Variants in TMEM255A observed in about 807,000 individuals in gnomAD.
TMEM255A encodes transmembrane protein 255A.
TMEM255A carries 14 observed loss-of-function variants against 23.5 expected under a neutral mutation model. The observed-to-expected ratio is 0.60, with a 90% CI of 0.39 to 0.93. The LOEUF (loss-of-function observed/expected upper bound fraction) is 0.93, where lower values mean the gene tolerates loss of function less well. TMEM255A is among the 40% of genes least tolerant of loss of function. The pLI is 0.00. For missense variants in TMEM255A, 233 were observed against 261.7 expected (o/e 0.89, Z 0.76); for synonymous variants, 104 against 100.3 (o/e 1.04, Z -0.22).
Position 120,279,939 on chromosome X carries a change from G to T in TMEM255A, c.513-2892C>A, listed in dbSNP as rs782316460. On this transcript the variant is annotated intron_variant, in intron 6 of 8. Transcript: ENST00000371369. ...CTTTATTTTGTTTTTTGTTTGTTTG[G>T]TTGGTTGGGTTTTTTCTTTTTCTTT... is the stretch of plus-strand genomic sequence containing the variant. Among the ~76,000 whole-genome samples the T allele has an allele frequency of 9.6e-5, 10 of 103,993 alleles. No homozygotes were observed. In the South Asian group the frequency reaches 3.0e-3, roughly 31 times the overall value. 90.3% of individuals were successfully genotyped at this position (103,993 alleles called of 115,157 possible).
intron 6 of TMEM255A, among the ~76,000 whole-genome samples, chrX:120,284,440 C>G (rs1556021379): frequency 9.1e-6 from 1 of 110,094 alleles, no homozygotes; most frequent in African/African-American, 3.3e-5. Context: ...CACCCACCCC[C>G]AACTACTTTC....
At position 120,274,892 on chromosome X, in the gene TMEM255A, A is replaced by C. The variant is rs782266196; in HGVS notation, c.675+1993T>G. ...TAGCTACCACCTACTCCATTTGTGC[A>C]TCAAGGTATCTCTGCCATCCAAGCC... On this transcript the variant is annotated intron_variant, in intron 7 of 8. Transcript: ENST00000371369. Among the ~76,000 whole-genome samples, 4 of 111,665 alleles carry C rather than the reference A, an allele frequency of 3.6e-5. No individual in the cohort carries two copies. The South Asian group carries it at 1.5e-3, about 42-fold the overall frequency.
chrX:120,303,038 T>C (rs1291872826), intron 2 of TMEM255A, among the ~76,000 whole-genome samples: 1 of 111,810 alleles, frequency 8.9e-6, no homozygotes, highest in Non-Finnish European at 1.9e-5. Context: ...TCTCTAACAA[T>C]TGAGGAGCCA....
chrX:120,305,939 G>A (rs1556026973), intron 1 of TMEM255A, among the ~76,000 whole-genome samples: 1 of 111,764 alleles, frequency 8.9e-6, no homozygotes, highest in Non-Finnish European at 1.9e-5. Context: ...CTCCCCTGAC[G>A]TCAGCTTCGA....
intron 6 of TMEM255A, among the ~76,000 whole-genome samples, chrX:120,280,851 C>A (rs1556020741): frequency 3.6e-5 from 4 of 110,010 alleles, no homozygotes. Flanking sequence ...GCTCAGATTT[C>A]TCCCCCTGCA....
intron 6 of TMEM255A, among the ~76,000 whole-genome samples, chrX:120,281,092 T>C (rs1351392494): frequency 8.9e-6 from 1 of 112,461 alleles, no homozygotes; most frequent in Non-Finnish European, 1.9e-5. Context: ...GTGCTAATGT[T>C]ACAATCAAGG....
chrX:120,275,727 T>C, intron 7 of TMEM255A, among the ~76,000 whole-genome samples: 1 of 106,678 alleles, frequency 9.4e-6, no homozygotes, highest in East Asian at 2.9e-4. Context: ...CAAAACCTGA[T>C]GCCTGGGCTT....
rs2057996107 is a variant in TMEM255A, at chrX:120,297,077, ATT to A, written c.202-3028_202-3027del. Among the ~76,000 whole-genome samples the A allele has an allele frequency of 3.9e-4, 3 of 7,664 alleles. 1 individual carries two copies. The highest frequency in any genetic ancestry group is 4.1e-3 in the African/African-American group (2 of 492). 6.7% of individuals were successfully genotyped at this position (7,664 alleles called of 115,157 possible). ...ATATATATAATATTATATATATTAT[ATT>A]ATATTATAATATATATAATATTATA... On this transcript the variant is annotated intron_variant, in intron 2 of 8. Transcript: ENST00000371369.
rs1244917750 is a variant in TMEM255A, at chrX:120,260,121, A to G, written c.*749T>C. 8.1e-6 allele frequency: 6 copies of G among 737,828 alleles called. No homozygotes were observed. The highest frequency in any genetic ancestry group is 8.0e-6 in the Non-Finnish European group (5 of 625,004). 60.8% of individuals were successfully genotyped at this position (737,828 alleles called of 1,213,427 possible). ...TGTATTTTGTAATAATGCAACATGT[A>G]GTAGAACCACTGTCTCCTAAGTGAT... On this transcript the variant is annotated 3_prime_UTR_variant, in exon 9 of 9. Coordinates refer to ENST00000371369, the MANE Select transcript of TMEM255A (RefSeq NM_001104544.3).
At chrX:120,293,898 T>A (rs1289611100) in intron 3 of TMEM255A, 91 bp downstream of exon 3, 5 of 679,431 alleles carry the variant, frequency 7.4e-6, no homozygotes, top group Non-Finnish European at 1.1e-5. Context: ...TATGACCAAA[T>A]CACACAAACT....
intron 2 of TMEM255A, among the ~76,000 whole-genome samples, chrX:120,296,658 TTATAATATA>T (rs2057960672): frequency 1.5e-5 from 1 of 65,185 alleles, no homozygotes; most frequent in African/African-American, 6.7e-5. Context: ...ATAATATATA[TTATAATATA>T]ATATATATTA....
At chrX:120,255,650 T>TA (rs1300163356), downstream of TMEM255A, 6 of 370,315 alleles carry the variant, frequency 1.6e-5, no homozygotes, top group African/African-American at 2.6e-5. Context: ...TTTATATAGT[T>TA]AGTTTTCAGC....
rs782336776 is a variant in TMEM255A at position 120,283,353 on chromosome X, A to T, written c.512+1774T>A. 3.6e-5 allele frequency among the ~76,000 whole-genome samples: 4 copies of T among 111,413 alleles called. No individual in the cohort carries two copies. The South Asian group carries it at 1.5e-3, about 43-fold the overall frequency. On this transcript the variant is annotated intron_variant, in intron 6 of 8. Transcript: ENST00000371369. ...CTTTCAATGAAACAAGACTGGCACA[A>T]GCAAAGAAGGTAAAGAGCTGGTGTA... is the stretch of plus-strand genomic sequence containing the variant.
chrX:120,252,780 A>T, the TMEM255A span: 1 of 112,064 alleles, frequency 8.9e-6, no homozygotes, highest in African/African-American at 3.2e-5. Flanking sequence ...GGTAAGAAAG[A>T]TGTTTAATAG....
chrX:120,290,854 G>A (rs1392008766), intron 4 of TMEM255A, among the ~76,000 whole-genome samples: 1 of 111,582 alleles, frequency 9.0e-6, no homozygotes, highest in Non-Finnish European at 1.9e-5. Context: ...TTGACCATAA[G>A]TCATGTGGCT....
chrX:120,289,755 CA>C (rs1425984212), intron 4 of TMEM255A, among the ~76,000 whole-genome samples: 13 of 111,633 alleles, frequency 1.2e-4, no homozygotes, highest in African/African-American at 3.6e-4. Context: ...TCATAATAAC[CA>C]AAAAGTGGAA....
chrX:120,282,928 C>T (rs782440844), intron 6 of TMEM255A, among the ~76,000 whole-genome samples: 1 of 111,103 alleles, frequency 9.0e-6, no homozygotes, highest in South Asian at 3.9e-4. Flanking sequence ...AGATCTCAGG[C>T]CCAGTTCTGG....
chrX:120,270,257 C>A (rs781916681), intron 7 of TMEM255A, among the ~76,000 whole-genome samples: 26 of 109,862 alleles, frequency 2.4e-4, no homozygotes, highest in Admixed American at 2.1e-3. Context: ...TAAATTTGGG[C>A]CCTGTTTCTA....
At chrX:120,296,830 ATGATATATAAT>A (rs2057972730) in intron 2 of TMEM255A, among the ~76,000 whole-genome samples, 1 of 2,263 alleles carries the variant, frequency 4.4e-4, no homozygotes, top group African/African-American at 1.3e-3. Flanking sequence ...TATAATATAT[ATGATATATAAT>A]ATATATCATA....
Sources: allele counts gnomAD v4.1 joint callset (sites outside exome capture counted in the v4.1 genomes callset), GRCh38; gene constraint gnomAD v4.1.1; transcripts MANE v1.5; gene names NCBI Gene and HGNC (gene_info 2026-07-23, HGNC 2026-07-21).